SEMA5A: variants seen among roughly 807,000 people sequenced by gnomAD.
The protein encoded by SEMA5A is semaphorin 5A.
A neutral mutation model predicts 135.5 loss-of-function variants in SEMA5A; 55 were observed. That is an observed-to-expected ratio of 0.41 (90% confidence interval 0.33 to 0.51). The LOEUF (loss-of-function observed/expected upper bound fraction) is 0.51. Ranked by LOEUF, SEMA5A falls within the 20% of genes least tolerant of loss-of-function variation. The probability of loss-of-function intolerance (pLI) is 0.37; values close to 1 mark genes in which losing one functional copy is unlikely to be tolerated. For synonymous variants in SEMA5A, 580 were observed against 546.5 expected, an observed-to-expected ratio of 1.06 and a Z score of -0.85; for missense variants, 1,290 against 1,419.9, an observed-to-expected ratio of 0.91 and a Z score of 1.47.
chr5:9,534,749 C>CG (rs1423201820), intron 1 of SEMA5A, among the ~76,000 whole-genome samples: 1 of 152,106 alleles, frequency 6.6e-6, no homozygotes, highest in Non-Finnish European at 1.5e-5. Context: ...CAGCATGGGG[C>CG]GGGGGTTGTT....
intron 5 of SEMA5A, among the ~76,000 whole-genome samples, chr5:9,277,581 A>G (rs1357010396): frequency 6.6e-6 from 1 of 152,194 alleles, no homozygotes; most frequent in African/African-American, 2.4e-5. Context: ...CCCATCAATG[A>G]TAGACTGGAT....
intron 5 of SEMA5A, among the ~76,000 whole-genome samples, chr5:9,238,881 G>C (rs1480067087): frequency 1.3e-5 from 2 of 152,122 alleles, no homozygotes; most frequent in East Asian, 1.9e-4. Flanking sequence ...TTTTGAGATA[G>C]AGACTTTTTT....
At chr5:9,227,144 G>A (rs1325321004) in intron 6 of SEMA5A, among the ~76,000 whole-genome samples, 177 bp from the exon 7 acceptor site, 1 of 151,910 alleles carries the variant, frequency 6.6e-6, no homozygotes, top group African/African-American at 2.4e-5. Flanking sequence ...TTCAGATATT[G>A]ACCAAAAAAT....
intron 12 of SEMA5A, among the ~76,000 whole-genome samples, chr5:9,139,389 A>G (rs1344792268): frequency 1.3e-5 from 2 of 152,190 alleles, no homozygotes; most frequent in Admixed American, 6.5e-5. Flanking sequence ...ACCCTGTTAC[A>G]CACTGGATGT....
intron 11 of SEMA5A, among the ~76,000 whole-genome samples, chr5:9,158,176 A>G (rs546986209): frequency 6.6e-6 from 1 of 152,190 alleles, no homozygotes; most frequent in Non-Finnish European, 1.5e-5. Flanking sequence ...TTACTCCCAC[A>G]TTTGCTAAAG....
At chr5:9,147,382 C>T (rs1298201326) in intron 12 of SEMA5A, among the ~76,000 whole-genome samples, 1 of 152,074 alleles carries the variant, frequency 6.6e-6, no homozygotes, top group Non-Finnish European at 1.5e-5. Flanking sequence ...AAGCGATTCT[C>T]CTGCCTCAGC....
chr5:9,452,890 A>G (rs1000473724), intron 1 of SEMA5A, among the ~76,000 whole-genome samples: 1 of 152,152 alleles, frequency 6.6e-6, no homozygotes, highest in Non-Finnish European at 1.5e-5. Flanking sequence ...AACGGGGTCT[A>G]ATACATCATC....
chr5:9,540,823 C>T (rs1295250662), intron 1 of SEMA5A, among the ~76,000 whole-genome samples: 2 of 152,086 alleles, frequency 1.3e-5, no homozygotes, highest in Non-Finnish European at 2.9e-5. Flanking sequence ...GCTTTGGGGG[C>T]CCTCTGCAAG....
At chr5:9,418,016 G>A (rs541711124) in intron 2 of SEMA5A, among the ~76,000 whole-genome samples, 7 of 145,676 alleles carry the variant, frequency 4.8e-5, no homozygotes, top group East Asian at 2.1e-4. Context: ...TCGCTCTGTC[G>A]CCCAGGCTGG....
chr5:9,529,105 A>G (rs1302687319), intron 1 of SEMA5A, among the ~76,000 whole-genome samples: 1 of 152,258 alleles, frequency 6.6e-6, no homozygotes, highest in African/African-American at 2.4e-5. Context: ...GGTTATGACC[A>G]CAAGTCACTC....
chr5:9,320,749 A>C (rs1752594329), intron 4 of SEMA5A, among the ~76,000 whole-genome samples: 3 of 152,136 alleles, frequency 2.0e-5, no homozygotes, highest in Admixed American at 2.0e-4. Context: ...TCAGAGGAAC[A>C]AATGTGAACT....
chr5:9,183,804 T>C (rs1744657786), intron 11 of SEMA5A, among the ~76,000 whole-genome samples: 1 of 152,242 alleles, frequency 6.6e-6, no homozygotes, highest in Admixed American at 6.5e-5. Context: ...GATTTTCTTC[T>C]TTGGCTAGCA....
chr5:9,182,176 T>G lies in SEMA5A; in HGVS notation c.1273+8091A>C, dbSNP rs553511260. Among the ~76,000 whole-genome samples, 16 of 138,084 alleles carry G rather than the reference T, an allele frequency of 1.2e-4. No homozygotes were observed. In the East Asian group the frequency reaches 3.5e-3, roughly 30 times the overall value. The allele number at this position is 138,084 out of a possible 152,430, so 90.6% of individuals were successfully genotyped here. A position where few individuals can be genotyped will look rare whatever the true frequency, so the allele number is the denominator to read the frequency against. The stretch of plus-strand genomic sequence containing the variant: ...CCCCCACCCCAAAAAAAAATACGCT[T>G]CCTGAGGACAGGGTGTCTGTCTGTC... On this transcript the variant is annotated intron_variant, in intron 11 of 22. Transcript: ENST00000382496.
At chr5:9,352,309 ATT>A (rs1754160229) in intron 3 of SEMA5A, among the ~76,000 whole-genome samples, 1 of 151,806 alleles carries the variant, frequency 6.6e-6, no homozygotes, top group Admixed American at 6.6e-5. Flanking sequence ...TTTTTATTTT[ATT>A]TTATTTTTTA....
chr5:9,161,548 C>T (rs1743256507), intron 11 of SEMA5A, among the ~76,000 whole-genome samples: 2 of 151,828 alleles, frequency 1.3e-5, no homozygotes, highest in African/African-American at 4.8e-5. Flanking sequence ...AAGTGAAATC[C>T]AAGTGTATTT....
chr5:9,059,431 A>G (rs981841512), intron 18 of SEMA5A, among the ~76,000 whole-genome samples: 4 of 152,256 alleles, frequency 2.6e-5, no homozygotes, highest in African/African-American at 9.6e-5. Flanking sequence ...GGTGAAAAAA[A>G]TGATTATTTC....
intron 1 of SEMA5A, among the ~76,000 whole-genome samples, chr5:9,458,886 C>T (rs1758949228): frequency 6.6e-6 from 1 of 152,194 alleles, no homozygotes; most frequent in Admixed American, 6.5e-5. Flanking sequence ...GTATCAAAGG[C>T]ATCCTTTAAT....
intron 8 of SEMA5A, among the ~76,000 whole-genome samples, chr5:9,219,889 G>A (rs1385673573): frequency 6.6e-6 from 1 of 152,198 alleles, no homozygotes; most frequent in Non-Finnish European, 1.5e-5. Flanking sequence ...CATCGCATCT[G>A]TGGACTAAGT....
At chr5:9,084,233 T>C (rs1738554482) in intron 16 of SEMA5A, among the ~76,000 whole-genome samples, 1 of 152,186 alleles carries the variant, frequency 6.6e-6, no homozygotes, top group African/African-American at 2.4e-5. Context: ...CCAGCAGTCA[T>C]CCAAATTAAA....
Sources: gnomAD v4.1 joint callset for allele counts (sites outside exome capture counted in the v4.1 genomes callset) on GRCh38, gnomAD v4.1.1 for gene constraint, MANE v1.5 for transcripts, NCBI Gene and HGNC (gene_info 2026-07-23, HGNC 2026-07-21) for gene names.